CYGB: variants seen among roughly 807,000 people sequenced by gnomAD.
The protein encoded by CYGB is cytoglobin.
CYGB carries 13 observed loss-of-function variants against 20.7 expected under a neutral mutation model. That is an observed-to-expected ratio of 0.63 (90% CI 0.41 to 1.00). CYGB has a LOEUF of 1.00. CYGB is among the 50% of genes least tolerant of loss of function. The pLI, the probability that CYGB is intolerant of heterozygous loss-of-function variation, is 0.00. For missense variants in CYGB, 218 were observed against 257.2 expected, an observed-to-expected ratio of 0.85 and a Z score of 1.04; for synonymous variants, 93 against 107.4, an observed-to-expected ratio of 0.87 and a Z score of 0.83.
At chr17:76,548,292 A>T (rs1202305123) in intron 1 of CYGB, among the ~76,000 whole-genome samples, 1 of 152,244 alleles carries the variant, frequency 6.6e-6, no homozygotes, top group Admixed American at 6.5e-5. Context: ...ACACAGAGAG[A>T]CATACACATA....
At chr17:76,549,914 G>C (rs2075090142) in intron 1 of CYGB, 1 of 152,150 alleles carries the variant, frequency 6.6e-6, no homozygotes, top group African/African-American at 2.4e-5. Context: ...GATATTGTGG[G>C]GGTTGACTGC....
chr17:76,534,128 T>C (rs772202092), intron 1 of CYGB, among the ~76,000 whole-genome samples: 7,411 of 131,598 alleles, frequency 0.056, 248 homozygotes, highest in Non-Finnish European at 0.082. Context: ...CTTTCTTTCT[T>C]TCTCTCTCTC....
Position 76,531,110 on chromosome 17 carries a change from G to C in CYGB, c.408C>G (p.Ala136=). 2 of 1,613,740 alleles carry C rather than the reference G, an allele frequency of 1.2e-6. No individual in the cohort carries two copies. Among genetic ancestry groups the C allele is most frequent in the Non-Finnish European group, 1.7e-6 (2 of 1,179,916 alleles). Residue 136 remains alanine (A), a synonymous_variant, in exon 3 of 4, where the codon GCC becomes GCG. Coordinates refer to ENST00000293230, the MANE Select transcript of CYGB (RefSeq NM_134268.5). The surrounding 1 kb of genome is among the most constrained non-coding windows in gnomAD (Gnocchi z 7.4). The part of the protein sequence containing the change: ...ILSGVILEVV[A]EEFASDFPPE... ...GTGGGAAGTCACTGGCAAATTCCTC[G>C]GCGACCACCTCCAGAATGACCCCAG...
upstream of CYGB, among the ~76,000 whole-genome samples, chr17:76,541,593 A>G (rs1156933559): frequency 6.6e-6 from 1 of 152,176 alleles, no homozygotes; most frequent in Non-Finnish European, 1.5e-5. Flanking sequence ...CCCAATGGGA[A>G]GCCCTGGGCC....
intron 1 of CYGB, among the ~76,000 whole-genome samples, chr17:76,532,805 G>A (rs1010972020): frequency 6.6e-6 from 1 of 152,142 alleles, no homozygotes; most frequent in African/African-American, 2.4e-5. Flanking sequence ...CCAAAGTGCT[G>A]GGATTACAGG....
In CYGB at chr17:76,530,101, TGGGAATGTTTCTCTACCAC is replaced by T. The variant is rs551261639; in HGVS notation, c.539+859_539+877del. The T allele has an allele frequency of 8.2e-4, 806 of 983,208 alleles. 3 individuals carry two copies. In the African/African-American group the frequency reaches 0.013, roughly 16 times the overall value. The allele number at this position is 983,208 out of a possible 1,614,324, so 60.9% of individuals were successfully genotyped here. A position where few individuals can be genotyped will look rare whatever the true frequency, so the allele number is the denominator to read the frequency against. ...CGCCGCCTTTTCCATGGGAAACTGC[TGGGAATGTTTCTCTACCAC>T]GGGAATGTTTCTCTACCACGCGTGT... On this transcript the variant is annotated intron_variant, in intron 3 of 3. Coordinates refer to ENST00000293230, the MANE Select transcript of CYGB (RefSeq NM_134268.5). This position sits in a 1 kb window ranked among gnomAD's most constrained non-coding sequence, Gnocchi z 6.1.
chr17:76,531,734 C>T lies in CYGB; in HGVS notation c.144-43G>A. On this transcript the variant is annotated intron_variant, in intron 1 of 3. Transcript: ENST00000293230. This position sits in a 1 kb window ranked among gnomAD's most constrained non-coding sequence, Gnocchi z 7.4. ...GGTGGTCGCTGAAGCTGGAGGCTGC[C>T]TCGGGCCCACCCTGAAGCTTCCAGG... 3 of 1,525,674 alleles carry T rather than the reference C, an allele frequency of 2.0e-6. No homozygotes were observed. The highest frequency in any genetic ancestry group is 2.7e-5 in the African/African-American group (2 of 73,286). 94.5% of individuals were successfully genotyped at this position (1,525,674 alleles called of 1,614,324 possible). A position where few individuals can be genotyped will look rare whatever the true frequency, so the allele number is the denominator to read the frequency against.
intron 1 of CYGB, among the ~76,000 whole-genome samples, 181 bp downstream of exon 1, chr17:76,537,219 G>C (rs979062381): frequency 6.6e-6 from 1 of 152,186 alleles, no homozygotes; most frequent in South Asian, 2.1e-4. Context: ...GCCAGGGAAG[G>C]CTCAACCCAG....
upstream of CYGB, among the ~76,000 whole-genome samples, chr17:76,542,039 C>T (rs545011887): frequency 6.6e-6 from 1 of 152,236 alleles, no homozygotes; most frequent in East Asian, 1.9e-4. Context: ...AGAGGATTGG[C>T]AGGACATGTG....
upstream of CYGB, chr17:76,538,593 G>A (rs1480465236): frequency 6.9e-6 from 3 of 431,932 alleles, no homozygotes; most frequent in Non-Finnish European, 9.6e-6. Flanking sequence ...GACAGGACCT[G>A]GCAGACAAAA....
At chr17:76,529,720 G>T (rs2074812196) in intron 3 of CYGB, 2 of 985,382 alleles carry the variant, frequency 2.0e-6, no homozygotes, top group Non-Finnish European at 2.4e-6. Flanking sequence ...GACAGCTGGT[G>T]GGGGGTGAGG....
intron 1 of CYGB, chr17:76,543,505 C>A (rs1272438865): frequency 1.4e-5 from 5 of 346,588 alleles, no homozygotes; most frequent in Non-Finnish European, 2.9e-5. Context: ...TGTTATTATC[C>A]ACAATTTCTA....
upstream of CYGB, among the ~76,000 whole-genome samples, chr17:76,539,138 G>A (rs1040423963): frequency 3.3e-5 from 5 of 152,026 alleles, no homozygotes; most frequent in South Asian, 8.3e-4. Context: ...GGAGGGGAGC[G>A]GGTGGGTTCA....
Position 76,528,642 on chromosome 17 carries a change from C to T in CYGB, c.540-31G>A, listed in dbSNP as rs186050618. 6.4e-4 allele frequency: 815 copies of T among 1,268,568 alleles called. 8 individuals are homozygous for T. The Middle Eastern group carries it at 0.015, about 24-fold the overall frequency. 78.6% of individuals were successfully genotyped at this position (1,268,568 alleles called of 1,614,324 possible). A position where few individuals can be genotyped will look rare whatever the true frequency, so the allele number is the denominator to read the frequency against. On this transcript the variant is annotated intron_variant, in intron 3 of 3. Transcript: ENST00000293230. The surrounding 1 kb of genome is among the most constrained non-coding windows in gnomAD (Gnocchi z 5.8). Reference sequence around the variant, plus strand: ...GACGAGATAGGAAGGGAAGGACAAACGTTACCAGAGGCAGGGAAGGACCCT... The same window carrying T: ...GACGAGATAGGAAGGGAAGGACAAATGTTACCAGAGGCAGGGAAGGACCCT...
At position 76,533,700 on chromosome 17, in the gene CYGB, G is replaced by A. The variant is rs1270517385; in HGVS notation, c.144-2009C>T. 6.6e-6 allele frequency among the ~76,000 whole-genome samples: 1 copy of A among 152,058 alleles called. No individual in the cohort carries two copies. Among genetic ancestry groups the A allele is most frequent in the Admixed American group, 6.6e-5 (1 of 15,260 alleles). On this transcript the variant is annotated intron_variant, in intron 1 of 3. Coordinates refer to ENST00000293230, the MANE Select transcript of CYGB (RefSeq NM_134268.5). The surrounding 1 kb of genome is among the most constrained non-coding windows in gnomAD (Gnocchi z 4.5). Reference sequence around the variant, plus strand: ...ATTGTGCCATTGCACTCCAGCCTGGGTGACAGAGTGAGACCCTGAATCCAA... The same window carrying A: ...ATTGTGCCATTGCACTCCAGCCTGGATGACAGAGTGAGACCCTGAATCCAA...
At chr17:76,529,778 C>G (rs906308542) in intron 3 of CYGB, 9 of 985,336 alleles carry the variant, frequency 9.1e-6, no homozygotes, top group Non-Finnish European at 1.1e-5. Flanking sequence ...CTCTGGTGGG[C>G]CAACATCTGC....
intron 1 of CYGB, among the ~76,000 whole-genome samples, chr17:76,532,780 G>A (rs531036520): frequency 1.1e-4 from 16 of 151,842 alleles, no homozygotes; most frequent in African/African-American, 3.1e-4. Flanking sequence ...CAGGCGATCC[G>A]CCTGCCTCAG....
intron 3 of CYGB, chr17:76,529,040 T>C (rs1347089710): frequency 1.9e-5 from 15 of 808,770 alleles, no homozygotes; most frequent in Non-Finnish European, 2.1e-5. Context: ...CCTGCAGTCA[T>C]TGCGCCCCCC....
chr17:76,540,253 G>A (rs111326198), upstream of CYGB: 278 of 1,048,718 alleles, frequency 2.7e-4, 49 homozygotes, highest in Admixed American at 8.9e-4. The surrounding 1 kb of genome is among the most constrained non-coding windows in gnomAD (Gnocchi z 5.0). Context: ...CGGTTGGTCG[G>A]GGGGGGGGGG....
Sources: allele counts gnomAD v4.1 joint callset (sites outside exome capture counted in the v4.1 genomes callset), GRCh38; gene constraint gnomAD v4.1.1; non-coding constraint Gnocchi (gnomAD v3.1); transcripts MANE v1.5; gene names NCBI Gene and HGNC (gene_info 2026-07-23, HGNC 2026-07-21).